The following NFATC3 variants were observed in gnomAD, a reference collection of about 807,000 sequenced individuals.
The protein encoded by NFATC3 is nuclear factor of activated T cells 3, also known as nuclear factor of activated T-cells, cytoplasmic 3.
A neutral mutation model predicts 98.6 loss-of-function variants in NFATC3; 46 were observed. That is an observed-to-expected ratio of 0.47 (90% confidence interval 0.37 to 0.60). The LOEUF (loss-of-function observed/expected upper bound fraction) is 0.60. Among genes scored for constraint, NFATC3 ranks in the 20% least tolerant of loss-of-function variants. The pLI is 0.00. For missense variants in NFATC3, 1,256 were observed against 1,295.5 expected, an observed-to-expected ratio of 0.97 and a Z score of 0.47; for synonymous variants, 512 against 472.2, an observed-to-expected ratio of 1.08 and a Z score of -1.09.
At chr16:68,189,301 G>A (rs2040340968) in intron 8 of NFATC3, 1 of 190,320 alleles carries the variant, frequency 5.3e-6, no homozygotes, top group East Asian at 1.2e-4. Context: ...CTTGACTTGG[G>A]TAGAGTGATG....
chr16:68,172,110 G>C (rs2039494195), intron 5 of NFATC3, among the ~76,000 whole-genome samples: 2 of 152,154 alleles, frequency 1.3e-5, no homozygotes, highest in Admixed American at 1.3e-4. Context: ...TGGGATTACA[G>C]GCGTGAGCCA....
intron 4 of NFATC3, among the ~76,000 whole-genome samples, chr16:68,164,888 TA>T (rs1263264049): frequency 6.6e-6 from 1 of 152,170 alleles, no homozygotes; most frequent in Non-Finnish European, 1.5e-5. Context: ...CAAAAAAATT[TA>T]AAAAACAATT....
chr16:68,217,483 A>AC (rs1334481731), intron 9 of NFATC3, among the ~76,000 whole-genome samples: 1 of 151,688 alleles, frequency 6.6e-6, no homozygotes, highest in African/African-American at 2.4e-5. Flanking sequence ...AAAAAAAAAA[A>AC]AAAAAAATCT....
At chr16:68,220,876 G>A (rs1259275524) in intron 9 of NFATC3, among the ~76,000 whole-genome samples, 6 of 150,936 alleles carry the variant, frequency 4.0e-5, no homozygotes, top group Admixed American at 1.3e-4. Context: ...CTGAGATTGC[G>A]CCACCGCACT....
At position 68,191,230 on chromosome 16, in the gene NFATC3, T is replaced by G; in HGVS notation, c.2561T>G (p.Phe854Cys). The G allele has an allele frequency of 6.2e-7, 1 of 1,614,156 alleles. No homozygotes were observed. The highest frequency in any genetic ancestry group is 8.5e-7 in the Non-Finnish European group (1 of 1,180,028). The change falls in exon 9 of 10, where the codon TTT (phenylalanine) becomes TGT (cysteine). Residue 854 changes from phenylalanine to cysteine, a missense_variant. Phe to Cys is a radical substitution (Grantham distance 205, BLOSUM62 -2). Around this residue, in one of 3 missense-constraint regions of NFATC3, gnomAD observed 636 missense variants for 617.3 expected, o/e 1.03. Transcript: ENST00000346183. ...TGTCAACCACTGTCATCCATACCAT[T>G]TCATTCTTCAAATTCAGGCTCAACA... ...LGCQPLSSIPFHSSNSGSTGH... is the reference protein window; with the variant it reads ...LGCQPLSSIPCHSSNSGSTGH...
intron 8 of NFATC3, among the ~76,000 whole-genome samples, chr16:68,189,930 G>A (rs894613141): frequency 3.3e-5 from 5 of 152,140 alleles, no homozygotes; most frequent in Non-Finnish European, 4.4e-5. Context: ...GGTGGCGCAC[G>A]CCTGTATTCC....
intron 3 of NFATC3, among the ~76,000 whole-genome samples, chr16:68,134,170 A>G (rs1464051213): frequency 2.0e-5 from 3 of 152,088 alleles, no homozygotes; most frequent in Non-Finnish European, 4.4e-5. Context: ...GGACATTTGG[A>G]TATCTTTCAT....
chr16:68,152,044 A>AC, intron 3 of NFATC3, among the ~76,000 whole-genome samples: 2 of 140,876 alleles, frequency 1.4e-5, no homozygotes, highest in African/African-American at 5.5e-5. Context: ...ACTCTAACCT[A>AC]AGTAAGTGAG....
chr16:68,187,065 G>A lies in NFATC3; in HGVS notation c.2098+3699G>A, dbSNP rs117832073. ...CTGCAAAGGGTGAGCAGAGTGGGAA[G>A]GGGTGTGTGAGTGAGTGAGCGTGGG... On this transcript the variant is annotated intron_variant, in intron 8 of 9. Coordinates refer to ENST00000346183, the MANE Select transcript of NFATC3 (RefSeq NM_173165.3). Among the ~76,000 whole-genome samples, 142 of 152,340 alleles carry A rather than the reference G, an allele frequency of 9.3e-4. 1 individual carries two copies. In the East Asian group the frequency reaches 0.016, roughly 17 times the overall value.
intron 3 of NFATC3, among the ~76,000 whole-genome samples, chr16:68,148,209 T>A (rs1262383199): frequency 1.3e-5 from 2 of 151,934 alleles, no homozygotes; most frequent in Non-Finnish European, 2.9e-5. Flanking sequence ...AGAGATGGGG[T>A]TTCTCCATGT....
At chr16:68,113,247 G>C (rs988633751) in intron 1 of NFATC3, among the ~76,000 whole-genome samples, 2 of 152,196 alleles carry the variant, frequency 1.3e-5, no homozygotes, top group South Asian at 2.1e-4. Flanking sequence ...CTTTGAGGCT[G>C]CTGACCTTTG....
At chr16:68,114,775 ATGT>A (rs2036181998) in intron 1 of NFATC3, among the ~76,000 whole-genome samples, 1 of 151,966 alleles carries the variant, frequency 6.6e-6, no homozygotes, top group South Asian at 2.1e-4. Context: ...GGGTTTCACC[ATGT>A]TGGCCAGGAT....
At chr16:68,102,554 C>G (rs1033251385) in intron 1 of NFATC3, among the ~76,000 whole-genome samples, 2 of 151,930 alleles carry the variant, frequency 1.3e-5, no homozygotes, top group Admixed American at 6.6e-5. Flanking sequence ...ATTCTTGATT[C>G]TTCATGTGTA....
At position 68,094,996 on chromosome 16, in the gene NFATC3, T is replaced by C. The variant is rs193254087; in HGVS notation, c.103+9212T>C. 7.3e-4 allele frequency among the ~76,000 whole-genome samples: 111 copies of C among 152,294 alleles called. 2 individuals carry two copies. Among genetic ancestry groups the C allele is most frequent in the African/African-American group, 2.6e-3 (108 of 41,554 alleles). ...TTACTGGTAAAGATGAGTGGAATTA[T>C]TCTTAGCCAACCAGACCTATGCCTT... is the stretch of plus-strand genomic sequence containing the variant. On this transcript the variant is annotated intron_variant, in intron 1 of 9. Coordinates refer to ENST00000346183, the MANE Select transcript of NFATC3 (RefSeq NM_173165.3).
At chr16:68,214,259 G>A (rs1275762799) in intron 9 of NFATC3, 2 of 1,147,938 alleles carry the variant, frequency 1.7e-6, no homozygotes, top group African/African-American at 1.5e-5. Context: ...AACAGGCTGG[G>A]CACTGTAGTA....
intron 1 of NFATC3, among the ~76,000 whole-genome samples, chr16:68,098,627 C>T (rs192834428): frequency 2.0e-5 from 3 of 152,254 alleles, no homozygotes; most frequent in Admixed American, 2.0e-4. Context: ...AACTGCCAAA[C>T]TGTTTTCCAA....
At chr16:68,110,422 C>A (rs2035883557) in intron 1 of NFATC3, among the ~76,000 whole-genome samples, 1 of 151,826 alleles carries the variant, frequency 6.6e-6, no homozygotes, top group South Asian at 2.1e-4. Context: ...CATTCTCCTG[C>A]CTCAGCCTCC....
chr16:68,159,969 T>A (rs1165128561), intron 4 of NFATC3, among the ~76,000 whole-genome samples: 1 of 151,758 alleles, frequency 6.6e-6, no homozygotes, highest in Non-Finnish European at 1.5e-5. Context: ...TCCCAGCTAC[T>A]CAGGAGGCTG....
At chr16:68,134,134 A>G (rs1211620740) in intron 3 of NFATC3, among the ~76,000 whole-genome samples, 5 of 152,194 alleles carry the variant, frequency 3.3e-5, no homozygotes, top group Non-Finnish European at 7.3e-5. Context: ...ATTACCAATG[A>G]TATTGAACAT....
Sources: allele counts gnomAD v4.1 joint callset (sites outside exome capture counted in the v4.1 genomes callset), GRCh38; gene constraint gnomAD v4.1.1; regional missense constraint gnomAD v4.1.1; transcripts MANE v1.5; gene names NCBI Gene and HGNC (gene_info 2026-07-23, HGNC 2026-07-21).